SCAPER: variants seen among roughly 807,000 people sequenced by gnomAD.
SCAPER encodes S phase cyclin A-associated protein in the endoplasmic reticulum.
Under a neutral mutation model 182.2 loss-of-function variants are expected in SCAPER, and 98 were observed. The observed-to-expected ratio is 0.54, with a 90% CI of 0.46 to 0.64. The LOEUF is 0.64. Ranked by LOEUF, SCAPER falls within the 30% of genes least tolerant of loss-of-function variation. SCAPER has a pLI of 0.00. For synonymous variants in SCAPER, 605 were observed against 564.6 expected (o/e 1.07, Z -1.01); for missense variants, 1,432 against 1,690.0 (o/e 0.85, Z 2.68).
chr15:76,638,732 C>T lies in SCAPER; in HGVS notation c.2646-16903G>A, dbSNP rs190430770. 1.1e-4 allele frequency among the ~76,000 whole-genome samples: 16 copies of T among 152,154 alleles called. No individual in the cohort carries two copies. In the East Asian group the frequency reaches 1.7e-3, roughly 17 times the overall value. The stretch of plus-strand genomic sequence containing the variant: ...TTTTCTTCAAGTATATAAACTATGT[C>T]GAGAATGACAAATTATTGGTCATTG... On this transcript the variant is annotated intron_variant, in intron 21 of 31. Transcript: ENST00000563290.
At chr15:76,404,134 C>T (rs1010628332) in intron 27 of SCAPER, among the ~76,000 whole-genome samples, 9 of 152,108 alleles carry the variant, frequency 5.9e-5, no homozygotes, top group East Asian at 3.9e-4. Flanking sequence ...ACATGAATGA[C>T]GGTAATGAGC....
chr15:76,597,489 C>T (rs2049598084), intron 22 of SCAPER, among the ~76,000 whole-genome samples: 1 of 120,748 alleles, frequency 8.3e-6, no homozygotes. Flanking sequence ...AGAGCCTGTA[C>T]AGCCAAGAGA....
At chr15:76,834,307 A>G (rs1462444283) in intron 5 of SCAPER, among the ~76,000 whole-genome samples, 5 of 152,220 alleles carry the variant, frequency 3.3e-5, no homozygotes, top group Admixed American at 2.0e-4. Context: ...TAATAAAAAC[A>G]AAGAAACAAC....
At chr15:76,515,046 A>C (rs1490874918) in intron 23 of SCAPER, among the ~76,000 whole-genome samples, 2 of 152,214 alleles carry the variant, frequency 1.3e-5, no homozygotes, top group African/African-American at 4.8e-5. Flanking sequence ...TACAAGAACA[A>C]AAACATACTG....
At chr15:76,559,709 A>C (rs1481685874) in intron 23 of SCAPER, among the ~76,000 whole-genome samples, 1 of 152,122 alleles carries the variant, frequency 6.6e-6, no homozygotes, top group Non-Finnish European at 1.5e-5. Context: ...GAACACAAAG[A>C]AGAGAGCAAT....
At chr15:76,422,123 A>G (rs894754481) in intron 26 of SCAPER, among the ~76,000 whole-genome samples, 12 of 152,296 alleles carry the variant, frequency 7.9e-5, no homozygotes, top group African/African-American at 2.9e-4. Flanking sequence ...TTGGTTCCAC[A>G]TGAACTTTAA....
intron 24 of SCAPER, among the ~76,000 whole-genome samples, chr15:76,488,414 C>T (rs747447189): frequency 1.3e-5 from 2 of 152,064 alleles, no homozygotes; most frequent in Non-Finnish European, 1.5e-5. Flanking sequence ...ATAATGATTA[C>T]TGAAAACAGC....
At chr15:76,641,008 T>G (rs2054063447) in intron 21 of SCAPER, among the ~76,000 whole-genome samples, 1 of 152,164 alleles carries the variant, frequency 6.6e-6, no homozygotes, top group Admixed American at 6.5e-5. Flanking sequence ...GAGGGGCGCC[T>G]GTCCATATGG....
intron 22 of SCAPER, among the ~76,000 whole-genome samples, chr15:76,578,992 G>C (rs1264309098): frequency 6.6e-6 from 1 of 152,094 alleles, no homozygotes; most frequent in Non-Finnish European, 1.5e-5. Context: ...GATACATTTA[G>C]CGAAGAGATA....
At chr15:76,494,146 G>A (rs1009503868) in intron 24 of SCAPER, among the ~76,000 whole-genome samples, 6 of 152,134 alleles carry the variant, frequency 3.9e-5, no homozygotes, top group African/African-American at 1.4e-4. Flanking sequence ...TGACACATAG[G>A]TTCCAGTTCC....
chr15:76,680,172 G>A (rs2057610125), intron 20 of SCAPER, among the ~76,000 whole-genome samples: 1 of 152,022 alleles, frequency 6.6e-6, no homozygotes, highest in East Asian at 1.9e-4. Flanking sequence ...AGCCATAGGT[G>A]ACAAGGGCTT....
chr15:76,419,514 A>G (rs1047705497), intron 26 of SCAPER, among the ~76,000 whole-genome samples: 3 of 152,048 alleles, frequency 2.0e-5, no homozygotes, highest in Non-Finnish European at 4.4e-5. Context: ...TGAGGTCAGG[A>G]ATTCGAGACC....
chr15:76,576,519 T>C (rs1349549217), intron 22 of SCAPER, among the ~76,000 whole-genome samples: 1 of 152,188 alleles, frequency 6.6e-6, no homozygotes, highest in Non-Finnish European at 1.5e-5. Flanking sequence ...CCTTCACAGA[T>C]GTCCTCCATA....
chr15:76,609,636 G>T (rs1241653291), intron 22 of SCAPER, among the ~76,000 whole-genome samples: 1 of 152,164 alleles, frequency 6.6e-6, no homozygotes, highest in Non-Finnish European at 1.5e-5. Context: ...TGCTGTATCT[G>T]ACTCTGAATC....
At position 76,607,636 on chromosome 15, in the gene SCAPER, C is replaced by A. The variant is rs183869415; in HGVS notation, c.2711+14128G>T. Among the ~76,000 whole-genome samples, 8 of 152,254 alleles carry A rather than the reference C, an allele frequency of 5.3e-5. No individual in the cohort carries two copies. The South Asian group carries it at 1.7e-3, about 32-fold the overall frequency. ...TTTTCCAACTTGGTTCCATTCTCCC[C>A]GTCACTTTCAGGTACACCAATCAGA... On this transcript the variant is annotated intron_variant, in intron 22 of 31. Coordinates refer to ENST00000563290, the MANE Select transcript of SCAPER (RefSeq NM_020843.4).
intron 23 of SCAPER, among the ~76,000 whole-genome samples, chr15:76,570,593 T>A (rs943347678): frequency 2.6e-5 from 4 of 152,138 alleles, no homozygotes; most frequent in African/African-American, 9.7e-5. Context: ...ACCTTTTATT[T>A]CCTCAGAAGA....
chr15:76,759,238 C>A (rs2062632110), intron 14 of SCAPER, among the ~76,000 whole-genome samples: 1 of 151,914 alleles, frequency 6.6e-6, no homozygotes, highest in Non-Finnish European at 1.5e-5. Context: ...TTTTGTGTTG[C>A]TATAACAGAA....
chr15:76,871,304 G>A (rs1254304793), intron 2 of SCAPER, among the ~76,000 whole-genome samples: 1 of 151,316 alleles, frequency 6.6e-6, no homozygotes, highest in Non-Finnish European at 1.5e-5. Flanking sequence ...AGCTACTTGG[G>A]GGACTGAGGC....
chr15:76,376,057 A>G (rs2042543998), intron 29 of SCAPER, 105 bp downstream of exon 29: 2 of 1,406,616 alleles, frequency 1.4e-6, no homozygotes, highest in Non-Finnish European at 1.9e-6. Flanking sequence ...AGGGCTTTAC[A>G]GAGGACATTT....
Sources: gnomAD v4.1 joint callset for allele counts (sites outside exome capture counted in the v4.1 genomes callset) on GRCh38, gnomAD v4.1.1 for gene constraint, MANE v1.5 for transcripts, NCBI Gene and HGNC (gene_info 2026-07-23, HGNC 2026-07-21) for gene names.